Variants in ANKHD1 observed in about 807,000 individuals in gnomAD.
ANKHD1 encodes the protein ankyrin repeat and KH domain-containing protein 1.
In ANKHD1, 31 loss-of-function variants were observed where a neutral mutation model predicts 230.5. The observed-to-expected ratio is 0.13, with a 90% CI of 0.10 to 0.18. ANKHD1 has a LOEUF of 0.18. ANKHD1 is among the 10% of genes least tolerant of loss of function. The probability of loss-of-function intolerance (pLI) is 1.00; values close to 1 mark genes in which losing one functional copy is unlikely to be tolerated. For missense variants in ANKHD1, 2,256 were observed against 3,071.3 expected (o/e 0.73, Z 6.27); for synonymous variants, 1,074 against 1,117.6 (o/e 0.96, Z 0.78).
chr5:140,531,978 G>A (rs959207644), intron 29 of ANKHD1, among the ~76,000 whole-genome samples: 1 of 152,174 alleles, frequency 6.6e-6, no homozygotes, highest in Non-Finnish European at 1.5e-5. Flanking sequence ...GGAGGCCGAG[G>A]TGGTTGGATC....
At position 140,458,793 on chromosome 5, in the gene ANKHD1, G is replaced by A. The variant is rs1173993317; in HGVS notation, c.1411G>A (p.Gly471Arg). The A allele has an allele frequency of 1.2e-6, 2 of 1,612,996 alleles. No homozygotes were observed. The highest frequency in any genetic ancestry group is 8.5e-7 in the Non-Finnish European group (1 of 1,179,714). Residue 471 changes from glycine (G) to arginine (R), a missense_variant, in exon 8 of 34, where the codon GGA (glycine) becomes AGA (arginine). Physicochemically the swap from Gly to Arg is moderately radical, Grantham distance 125. Transcript: ENST00000360839. ...AAATCTTGAAGAAGTTAATGATGAA[G>A]GATACACTCCCTTGATGGAAGCTGC... Reference protein sequence around the residue: ...GANLEEVNDEGYTPLMEAARE... With the variant: ...GANLEEVNDERYTPLMEAARE...
At chr5:140,459,003 T>TATATATATATATATATATGC (rs1775500856) in intron 8 of ANKHD1, 141 bp downstream of exon 8, 1 of 79,606 alleles carries the variant, frequency 1.3e-5, no homozygotes, top group African/African-American at 6.8e-5. Flanking sequence ...TATGCATATA[T>TATATATATATATATATATGC]ATATATATAT....
At chr5:140,410,518 TAAAC>T (rs1332905285) in intron 1 of ANKHD1, among the ~76,000 whole-genome samples, 1 of 152,106 alleles carries the variant, frequency 6.6e-6, no homozygotes, top group Admixed American at 6.5e-5. Context: ...AATTGGCAAG[TAAAC>T]AAAATAAATG....
At position 140,468,052 on chromosome 5, in the gene ANKHD1, C is replaced by CT. The variant is rs869172143; in HGVS notation, c.1782+3316dup. Among the ~76,000 whole-genome samples the CT allele has an allele frequency of 4.0e-4, 21 of 52,412 alleles. 5 individuals are homozygous for CT. The highest frequency in any genetic ancestry group is 1.7e-3 in the African/African-American group (19 of 11,272). The allele number at this position is 52,412 out of a possible 152,430, so 34.4% of individuals were successfully genotyped here. ...AGTTTAAGGTTTAAGTGTACTAATT[C>CT]TTTTTTTTTTTTTTTTTTTTTTTTT... On this transcript the variant is annotated intron_variant, in intron 10 of 33. Coordinates refer to ENST00000360839, the MANE Select transcript of ANKHD1 (RefSeq NM_017747.3).
intron 9 of ANKHD1, among the ~76,000 whole-genome samples, chr5:140,460,446 A>C (rs1425513855): frequency 6.6e-6 from 1 of 152,200 alleles, no homozygotes; most frequent in African/African-American, 2.4e-5. Context: ...TTTCATTGTT[A>C]ACATTAATTT....
intron 10 of ANKHD1, among the ~76,000 whole-genome samples, chr5:140,470,881 C>T (rs960365647): frequency 1.3e-5 from 2 of 152,120 alleles, no homozygotes; most frequent in Non-Finnish European, 2.9e-5. Flanking sequence ...CCCACCTTAG[C>T]TTCCCAAGTT....
chr5:140,464,216 G>A (rs1561763777), intron 9 of ANKHD1, among the ~76,000 whole-genome samples: 1 of 149,278 alleles, frequency 6.7e-6, no homozygotes, highest in Admixed American at 6.7e-5. Context: ...GAGCGACAGA[G>A]TGAGACTATC....
At position 140,529,492 on chromosome 5, in the gene ANKHD1, T is replaced by C; in HGVS notation, c.6546T>C (p.Ala2182=). 6.2e-7 allele frequency: 1 copy of C among 1,614,246 alleles called. No homozygotes were observed. ...CAGCTGCAGTGCAGCTTTCTTCAGC[T>C]GTGAACATTATGAATGGTTCTCAGA... ...GPPAAVQLSS[A]VNIMNGSQMH... The change falls in exon 29 of 34, where the codon GCT becomes GCC. Residue 2182 remains alanine, a synonymous_variant. Coordinates refer to ENST00000360839, the MANE Select transcript of ANKHD1 (RefSeq NM_017747.3).
rs78073779 is a variant in ANKHD1, at chr5:140,507,370, C to T, written c.3551+393C>T. 0.027 allele frequency among the ~76,000 whole-genome samples: 4,137 copies of T among 152,278 alleles called. 200 individuals are homozygous for T. Among genetic ancestry groups the T allele is most frequent in the African/African-American group, 0.095 (3,935 of 41,544 alleles). ...TTGCCCAGGCTGGAATGCAATGGCG[C>T]GATCTTGGCTTACCGCGAACTCTGC... On this transcript the variant is annotated intron_variant, in intron 19 of 33. Coordinates refer to ENST00000360839, the MANE Select transcript of ANKHD1 (RefSeq NM_017747.3). The surrounding 1 kb of genome is among the most constrained non-coding windows in gnomAD (Gnocchi z 4.1).
chr5:140,402,333 G>A, intron 1 of ANKHD1, 60 bp downstream of exon 1: 3 of 1,395,560 alleles, frequency 2.1e-6, no homozygotes, highest in Non-Finnish European at 2.8e-6. Context: ...CTTTGGGTAG[G>A]CTCTGGGCCG....
intron 7 of ANKHD1, among the ~76,000 whole-genome samples, chr5:140,454,458 G>C (rs1366706083): frequency 6.6e-6 from 1 of 152,096 alleles, no homozygotes; most frequent in Non-Finnish European, 1.5e-5. Context: ...CCACATAGTT[G>C]GAAGTAAAGC....
intron 17 of ANKHD1, 132 bp from the exon 18 acceptor site, chr5:140,505,592 T>C (rs756956314): frequency 7.4e-7 from 1 of 1,347,488 alleles, no homozygotes; most frequent in Non-Finnish European, 9.8e-7. Context: ...TTTAGAGCAG[T>C]TTTATGTTAA....
chr5:140,527,242 T>C lies in ANKHD1; in HGVS notation c.5087+168T>C. 8.9e-7 allele frequency: 1 copy of C among 1,126,852 alleles called. No individual in the cohort carries two copies. Among genetic ancestry groups the C allele is most frequent in the Non-Finnish European group, 1.2e-6 (1 of 860,656 alleles). The allele number at this position is 1,126,852 out of a possible 1,614,324, so 69.8% of individuals were successfully genotyped here. On this transcript the variant is annotated intron_variant, in intron 27 of 33. Transcript: ENST00000360839. The surrounding 1 kb of genome is among the most constrained non-coding windows in gnomAD (Gnocchi z 4.5). ...AGCAAAATTAGAAGCAGTATGTAAA[T>C]TTTGCATGCATATTTTATATGACAC...
intron 10 of ANKHD1, among the ~76,000 whole-genome samples, chr5:140,481,811 G>A (rs1304521924): frequency 1.3e-5 from 2 of 151,866 alleles, no homozygotes; most frequent in African/African-American, 2.4e-5. Flanking sequence ...TGAAAGAGGG[G>A]ATAGGTAAGA....
At chr5:140,472,361 T>C in intron 10 of ANKHD1, 1 of 1,582,020 alleles carries the variant, frequency 6.3e-7, no homozygotes, top group South Asian at 1.2e-5. Flanking sequence ...TAACCAGAAC[T>C]CTGGATATCT....
At chr5:140,455,693 T>C (rs557368584) in intron 7 of ANKHD1, among the ~76,000 whole-genome samples, 1 of 152,210 alleles carries the variant, frequency 6.6e-6, no homozygotes, top group African/African-American at 2.4e-5. Context: ...CTCAATAAAT[T>C]AGGTATTGAT....
chr5:140,412,191 C>T (rs964382247), intron 1 of ANKHD1, among the ~76,000 whole-genome samples: 1 of 151,958 alleles, frequency 6.6e-6, no homozygotes, highest in Admixed American at 6.6e-5. Context: ...TGCGTGCCAC[C>T]ATGCCCCGCT....
At chr5:140,474,160 C>G (rs1750834283) in intron 10 of ANKHD1, among the ~76,000 whole-genome samples, 1 of 152,164 alleles carries the variant, frequency 6.6e-6, no homozygotes, top group Non-Finnish European at 1.5e-5. Context: ...TAAACACAAG[C>G]CTTAGGACCA....
chr5:140,479,774 G>T (rs1022237538), intron 10 of ANKHD1, among the ~76,000 whole-genome samples: 1 of 148,826 alleles, frequency 6.7e-6, no homozygotes, highest in African/African-American at 2.5e-5. Flanking sequence ...ATGTATATGC[G>T]TATATATGTG....
Sources: allele counts gnomAD v4.1 joint callset (sites outside exome capture counted in the v4.1 genomes callset), GRCh38; gene constraint gnomAD v4.1.1; non-coding constraint Gnocchi (gnomAD v3.1); transcripts MANE v1.5; gene names NCBI Gene and HGNC (gene_info 2026-07-23, HGNC 2026-07-21).